Variants in TMPRSS11F observed in about 807,000 individuals in gnomAD.
TMPRSS11F encodes the protein transmembrane serine protease 11F.
TMPRSS11F carries 47 observed loss-of-function variants against 60.2 expected under a neutral mutation model. The observed-to-expected ratio is 0.78, with a 90% CI of 0.62 to 1.00. The LOEUF (loss-of-function observed/expected upper bound fraction) is 1.00. Among genes scored for constraint, TMPRSS11F ranks in the 50% least tolerant of loss-of-function variants. The pLI, the probability that TMPRSS11F is intolerant of heterozygous loss-of-function variation, is 0.00. For missense variants in TMPRSS11F, 519 were observed against 522.9 expected (o/e 0.99, Z 0.07); for synonymous variants, 166 against 167.3 (o/e 0.99, Z 0.06).
chr4:68,102,736 G>A (rs1724218580), intron 1 of TMPRSS11F, among the ~76,000 whole-genome samples: 1 of 152,058 alleles, frequency 6.6e-6, no homozygotes, highest in African/African-American at 2.4e-5. Context: ...CAGACATACG[G>A]TTGCAAATAT....
chr4:68,126,358 A>G (rs547050611), intron 1 of TMPRSS11F, among the ~76,000 whole-genome samples: 1 of 152,322 alleles, frequency 6.6e-6, no homozygotes, highest in East Asian at 1.9e-4. Context: ...AATCTAGTCT[A>G]TAAGCATCTA....
Position 68,059,345 on chromosome 4 carries a change from C to T in TMPRSS11F, c.1139G>A (p.Gly380Glu). ...ACTTACCTTACATGCATCTATTTTT[C>T]CTTCCATGAATCCAGCACATAACAT... ...PGMLCAGFME[G>E]KIDACKGDSG... The change falls in exon 9 of 10, where the codon GGA becomes GAA. Residue 380 changes from glycine (G) to glutamate (E), a missense_variant. Gly to Glu is a moderately conservative substitution (Grantham distance 98). Coordinates refer to ENST00000356291, the MANE Select transcript of TMPRSS11F (RefSeq NM_207407.2). 6.2e-7 allele frequency: 1 copy of T among 1,613,288 alleles called. No individual in the cohort carries two copies. Among genetic ancestry groups the T allele is most frequent in the Non-Finnish European group, 8.5e-7 (1 of 1,179,740 alleles).
At chr4:68,088,469 C>T (rs1380015011) in intron 3 of TMPRSS11F, among the ~76,000 whole-genome samples, 1 of 151,406 alleles carries the variant, frequency 6.6e-6, no homozygotes, top group Non-Finnish European at 1.5e-5. Flanking sequence ...CCACTGTCAA[C>T]ATTAGACAGA....
intron 1 of TMPRSS11F, among the ~76,000 whole-genome samples, chr4:68,127,664 G>A (rs1450483741): frequency 1.3e-5 from 2 of 151,986 alleles, no homozygotes; most frequent in Non-Finnish European, 2.9e-5. Context: ...TTTTGACCAT[G>A]ACCCACGGTT....
rs139446195 is a variant in TMPRSS11F at position 68,059,389 on chromosome 4, A to G, written c.1095T>C (p.Asp365=). Residue 365 remains aspartate (D), a synonymous_variant, in exon 9 of 10, where the codon GAT becomes GAC. Coordinates refer to ENST00000356291, the MANE Select transcript of TMPRSS11F (RefSeq NM_207407.2). ...TDVCNRKDVY[D]GLITPGMLCA... is the part of the protein sequence containing the mutation. ...ATAACATTCCTGGAGTTATCAGGCC[A>G]TCATACACATCCTTTCTGTTACACA... 3.8e-5 allele frequency: 62 copies of G among 1,613,900 alleles called. No individual in the cohort carries two copies. In the Middle Eastern group the frequency reaches 3.8e-3, roughly 98 times the overall value.
At chr4:68,082,353 G>A (rs550665338) in intron 3 of TMPRSS11F, among the ~76,000 whole-genome samples, 33 of 152,296 alleles carry the variant, frequency 2.2e-4, no homozygotes, top group Non-Finnish European at 4.0e-4. Flanking sequence ...GGTTTTGCAC[G>A]TGAGGCAGCT....
chr4:68,062,510 T>A lies in TMPRSS11F; in HGVS notation c.1015+2175A>T, dbSNP rs745948507. On this transcript the variant is annotated intron_variant, in intron 8 of 9. Transcript: ENST00000356291. ...AGTAATGTTGTAATTAGAAATATGC[T>A]GCATTGGATGGTAACTGTTTGCTTA... The A allele has an allele frequency of 5.5e-6, 4 of 721,798 alleles. No homozygotes were observed. In the East Asian group the frequency reaches 1.1e-4, roughly 19 times the overall value. 44.7% of individuals were successfully genotyped at this position (721,798 alleles called of 1,614,324 possible).
rs1340933472 is a variant in TMPRSS11F, at chr4:68,099,096, TTTAC to T, written c.12-62_12-59del. The T allele has an allele frequency of 5.7e-5, 82 of 1,439,324 alleles. 3 individuals are homozygous for T. In the Middle Eastern group the frequency reaches 5.9e-3, roughly 103 times the overall value. The allele number at this position is 1,439,324 out of a possible 1,614,324, so 89.2% of individuals were successfully genotyped here. On this transcript the variant is annotated intron_variant, in intron 1 of 9. Transcript: ENST00000356291. ...AAATTCATTATAGTTCAACTTTATG[TTTAC>T]TTACTATGTTCCTCTATGAAAATAG...
At chr4:68,097,649 C>T (rs1321925495) in intron 2 of TMPRSS11F, among the ~76,000 whole-genome samples, 2 of 152,012 alleles carry the variant, frequency 1.3e-5, no homozygotes, top group African/African-American at 2.4e-5. Context: ...CTATGACAAC[C>T]TCTAAGATTT....
intron 4 of TMPRSS11F, among the ~76,000 whole-genome samples, chr4:68,073,448 G>C (rs1723520237): frequency 6.6e-6 from 1 of 151,566 alleles, no homozygotes; most frequent in African/African-American, 2.4e-5. Context: ...AGAGGGAGGA[G>C]AGAAAAGTGG....
intron 7 of TMPRSS11F, among the ~76,000 whole-genome samples, chr4:68,066,795 G>A (rs911085100): frequency 4.6e-5 from 7 of 151,954 alleles, no homozygotes; most frequent in Admixed American, 6.6e-5. Context: ...TTAGCTGGGC[G>A]CGGTGGCGGG....
At chr4:68,129,090 G>T (rs1201289721) in intron 1 of TMPRSS11F, among the ~76,000 whole-genome samples, 1 of 152,130 alleles carries the variant, frequency 6.6e-6, no homozygotes, top group Non-Finnish European at 1.5e-5. Flanking sequence ...AAGAAACAAG[G>T]CTAGACTTAG....
rs1723499484 is a variant in TMPRSS11F at position 68,072,421 on chromosome 4, G to C, written c.416C>G (p.Ala139Gly). 6.3e-7 allele frequency: 1 copy of C among 1,591,638 alleles called. No homozygotes were observed. Among genetic ancestry groups the C allele is most frequent in the Admixed American group, 1.7e-5 (1 of 59,252 alleles). ...LIFRYPSTDS[A>G]EQIKKKIEKA... ...TTCAATTTTTTTCTTGATTTGTTCA[G>C]CACTATCAGTAGATGGGTATCGAAA... Residue 139 changes from alanine (A) to glycine (G), a missense_variant, in exon 5 of 10, where the codon GCT (alanine) becomes GGT (glycine). By Grantham distance (60) the Ala-to-Gly change is moderately conservative. Transcript: ENST00000356291.
At chr4:68,067,703 C>A (rs1014981858) in intron 7 of TMPRSS11F, among the ~76,000 whole-genome samples, 2 of 152,062 alleles carry the variant, frequency 1.3e-5, no homozygotes. Context: ...TTCTTTTCTG[C>A]GAAAAAGCAA....
chr4:68,128,068 ACT>A (rs1408822456), intron 1 of TMPRSS11F, among the ~76,000 whole-genome samples: 1 of 152,064 alleles, frequency 6.6e-6, no homozygotes, highest in African/African-American at 2.4e-5. Context: ...AAATGATGGT[ACT>A]CTTTCTACTT....
chr4:68,104,619 C>T (rs895951231), intron 1 of TMPRSS11F, among the ~76,000 whole-genome samples: 9 of 152,160 alleles, frequency 5.9e-5, no homozygotes, highest in African/African-American at 2.2e-4. Flanking sequence ...TCAATTACAC[C>T]TCTTCCCCTT....
At chr4:68,081,368 G>A (rs370166105) in intron 3 of TMPRSS11F, among the ~76,000 whole-genome samples, 7 of 152,268 alleles carry the variant, frequency 4.6e-5, no homozygotes, top group African/African-American at 1.2e-4. Flanking sequence ...TGAAGTCAAT[G>A]TATCATAGAA....
At chr4:68,105,253 G>T (rs1215018466) in intron 1 of TMPRSS11F, among the ~76,000 whole-genome samples, 1 of 151,784 alleles carries the variant, frequency 6.6e-6, no homozygotes, top group African/African-American at 2.4e-5. Flanking sequence ...TTTGAAGGTG[G>T]AAATGTTTGT....
At chr4:68,094,857 A>AT (rs11354072) in intron 2 of TMPRSS11F, among the ~76,000 whole-genome samples, 28 of 151,356 alleles carry the variant, frequency 1.8e-4, no homozygotes, top group East Asian at 1.2e-3. Flanking sequence ...TCTATAAAGC[A>AT]TTTTTTTTAC....
Sources: allele counts gnomAD v4.1 joint callset (sites outside exome capture counted in the v4.1 genomes callset), GRCh38; gene constraint gnomAD v4.1.1; transcripts MANE v1.5; gene names NCBI Gene and HGNC (gene_info 2026-07-23, HGNC 2026-07-21).